CPAMD8: variants seen among roughly 807,000 people sequenced by gnomAD.
CPAMD8 encodes the protein C3 and PZP like alpha-2-macroglobulin domain containing 8.
In CPAMD8, 146 loss-of-function variants were observed where a neutral mutation model predicts 224.7. The observed-to-expected ratio is 0.65, with a 90% CI of 0.57 to 0.75. CPAMD8 has a LOEUF of 0.75. Among genes scored for constraint, CPAMD8 ranks in the 30% least tolerant of loss-of-function variants. The probability of loss-of-function intolerance (pLI) is 0.00; values close to 1 mark genes in which losing one functional copy is unlikely to be tolerated. For synonymous variants in CPAMD8, 966 were observed against 1,044.6 expected (o/e 0.92, Z 1.45); for missense variants, 2,301 against 2,537.5 (o/e 0.91, Z 2.00).
chr19:16,939,974 G>A (rs776537939), intron 22 of CPAMD8, among the ~76,000 whole-genome samples: 71 of 151,830 alleles, frequency 4.7e-4, no homozygotes, highest in Non-Finnish European at 5.0e-4. Flanking sequence ...GTGCAATGGC[G>A]CGATCTCGGT....
At chr19:16,914,920 C>T in intron 27 of CPAMD8, 107 bp from the exon 28 acceptor site, 2 of 774,470 alleles carry the variant, frequency 2.6e-6, no homozygotes, top group Middle Eastern at 2.6e-4. Flanking sequence ...CCTCCATTTC[C>T]TCATCTATAA....
chr19:16,906,770 C>T (rs1489780803), intron 30 of CPAMD8, among the ~76,000 whole-genome samples, 182 bp downstream of exon 30: 2 of 152,032 alleles, frequency 1.3e-5, no homozygotes, highest in Admixed American at 6.6e-5. Flanking sequence ...AGTGCAATGG[C>T]GCGATCTCTG....
intron 29 of CPAMD8, among the ~76,000 whole-genome samples, chr19:16,908,748 T>C (rs978610464): frequency 1.3e-5 from 2 of 152,172 alleles, no homozygotes; most frequent in African/African-American, 4.8e-5. Flanking sequence ...GAACTGTCCC[T>C]AAGGTGTGAC....
chr19:17,000,834 C>T (rs2056287491), intron 9 of CPAMD8, among the ~76,000 whole-genome samples: 1 of 152,288 alleles, frequency 6.6e-6, no homozygotes, highest in Admixed American at 6.5e-5. Context: ...GAGGCATGAG[C>T]GACTGAGAGG....
At chr19:16,943,306 G>A (rs928617215) in intron 22 of CPAMD8, among the ~76,000 whole-genome samples, 9 of 152,138 alleles carry the variant, frequency 5.9e-5, no homozygotes, top group Non-Finnish European at 1.0e-4. Context: ...GTGAGCCACC[G>A]TGCCCGGCCT....
chr19:16,945,660 T>G lies in CPAMD8; in HGVS notation c.2682A>C (p.Gly894=). The G allele has an allele frequency of 6.2e-7, 1 of 1,614,172 alleles. No homozygotes were observed. The highest frequency in any genetic ancestry group is 8.5e-7 in the Non-Finnish European group (1 of 1,179,988). The change falls in exon 22 of 42, where the codon GGA becomes GGC. Residue 894 remains glycine, a synonymous_variant. Transcript: ENST00000443236. The part of the protein sequence containing the change: ...NNITAKALAY[G]DTNCCRDGRS... ...TCCCATCCCGGCAGCAATTTGTGTC[T>G]CCGTAAGCAAGGGCTTTGGCTGCAG... is the stretch of plus-strand genomic sequence containing the variant.
chr19:16,940,892 A>G (rs1000985464), intron 22 of CPAMD8, among the ~76,000 whole-genome samples: 3 of 152,170 alleles, frequency 2.0e-5, no homozygotes, highest in Non-Finnish European at 4.4e-5. Flanking sequence ...AGGGATTTGG[A>G]GCAATGGGCA....
At chr19:17,000,817 T>G (rs145256994) in intron 9 of CPAMD8, among the ~76,000 whole-genome samples, 226 of 152,156 alleles carry the variant, frequency 1.5e-3, no homozygotes, top group African/African-American at 5.3e-3. Context: ...TGGAGCAGAG[T>G]AGTGCAGAGG....
chr19:16,903,629 G>C lies in CPAMD8; in HGVS notation c.4408-6C>G. 1 of 1,614,106 alleles carries C rather than the reference G, an allele frequency of 6.2e-7. No individual in the cohort carries two copies. Among genetic ancestry groups the C allele is most frequent in the Non-Finnish European group, 8.5e-7 (1 of 1,180,014 alleles). Reference sequence around the variant, plus strand: ...CCCGTGGGGAGGCTGGGGATCTGGAGACAGAAGTCACCGTGAGGCCCTGCT... The same window carrying C: ...CCCGTGGGGAGGCTGGGGATCTGGACACAGAAGTCACCGTGAGGCCCTGCT... On this transcript the variant is annotated splice_polypyrimidine_tract_variant and splice_region_variant and intron_variant, in intron 33 of 41. Transcript: ENST00000443236.
intron 35 of CPAMD8, among the ~76,000 whole-genome samples, 177 bp downstream of exon 35, chr19:16,902,472 G>A (rs984675611): frequency 1.3e-5 from 2 of 152,014 alleles, no homozygotes; most frequent in Non-Finnish European, 2.9e-5. Context: ...AGCCGAGATC[G>A]CACCATTGCA....
intron 11 of CPAMD8, among the ~76,000 whole-genome samples, chr19:16,993,859 C>T (rs1010277635): frequency 1.3e-5 from 2 of 152,130 alleles, no homozygotes; most frequent in African/African-American, 4.8e-5. Flanking sequence ...ACATGGAAGC[C>T]GGATGCAGTG....
chr19:16,949,486 A>G (rs2054231758), intron 20 of CPAMD8, among the ~76,000 whole-genome samples: 1 of 152,196 alleles, frequency 6.6e-6, no homozygotes, highest in African/African-American at 2.4e-5. Flanking sequence ...GACTGAAGCT[A>G]GGATTCTGGG....
chr19:16,980,673 G>A lies in CPAMD8; in HGVS notation c.1409C>T (p.Ala470Val). The change falls in exon 14 of 42, where the codon GCC becomes GTC. Residue 470 changes from alanine to valine, a missense_variant. Ala to Val is a moderately conservative substitution (Grantham distance 64, BLOSUM62 0). This residue lies in a region of CPAMD8 where 301 missense variants were observed against 406.6 expected (regional missense o/e 0.74). Coordinates refer to ENST00000443236, the MANE Select transcript of CPAMD8 (RefSeq NM_015692.5). ...ACATGTGGACTTCACAGAAAAATAGGCTTCTTCCCCAACCTATGGAAGACA... is the reference window on the plus strand; with the variant it reads ...ACATGTGGACTTCACAGAAAAATAGACTTCTTCCCCAACCTATGGAAGACA... The part of the protein sequence containing the change: ...PSHPLQVGEE[A>V]YFSVKSTCPC... The A allele has an allele frequency of 1.3e-6, 2 of 1,548,856 alleles. No individual in the cohort carries two copies. The highest frequency in any genetic ancestry group is 3.9e-5 in the Admixed American group (2 of 50,896).
At chr19:16,961,197 C>A (rs777693045) in intron 18 of CPAMD8, among the ~76,000 whole-genome samples, 1 of 152,208 alleles carries the variant, frequency 6.6e-6, no homozygotes, top group African/African-American at 2.4e-5. Flanking sequence ...GGATGAGCCG[C>A]AGTAGGGCGG....
intron 13 of CPAMD8, among the ~76,000 whole-genome samples, chr19:16,986,546 C>G (rs2122841616): frequency 1.3e-5 from 2 of 152,268 alleles, no homozygotes; most frequent in South Asian, 4.1e-4. Context: ...ATGATCCTGT[C>G]TGACTTCTCA....
At chr19:16,951,022 T>G (rs1385805329) in intron 20 of CPAMD8, among the ~76,000 whole-genome samples, 2 of 152,074 alleles carry the variant, frequency 1.3e-5, no homozygotes, top group African/African-American at 4.8e-5. Context: ...AAGAGAGAGC[T>G]TTGGCCTTCA....
intron 23 of CPAMD8, among the ~76,000 whole-genome samples, chr19:16,937,292 G>A (rs186749705): frequency 1.2e-3 from 174 of 149,352 alleles, no homozygotes; most frequent in African/African-American, 3.8e-3. Context: ...GCACCACCAC[G>A]TCTGGCTAAG....
At chr19:16,999,055 T>C (rs761344239) in intron 10 of CPAMD8, among the ~76,000 whole-genome samples, 1 of 152,168 alleles carries the variant, frequency 6.6e-6, no homozygotes, top group Non-Finnish European at 1.5e-5. Flanking sequence ...AAAAACATGA[T>C]GCTGAGTGAG....
intron 25 of CPAMD8, among the ~76,000 whole-genome samples, chr19:16,926,383 T>C (rs1266490272): frequency 6.6e-6 from 1 of 152,030 alleles, no homozygotes; most frequent in Admixed American, 6.6e-5. Context: ...AGTGGCATGA[T>C]CTTGGCTCAC....
Sources: gnomAD v4.1 joint callset for allele counts (sites outside exome capture counted in the v4.1 genomes callset) on GRCh38, gnomAD v4.1.1 for gene constraint, gnomAD v4.1.1 regional missense constraint, MANE v1.5 for transcripts, NCBI Gene and HGNC (gene_info 2026-07-23, HGNC 2026-07-21) for gene names.